The following RBFOX1 variants were observed in gnomAD, a reference collection of about 807,000 sequenced individuals.
RBFOX1 encodes the protein RNA binding fox-1 homolog 1.
RBFOX1 carries 8 observed loss-of-function variants against 57.7 expected under a neutral mutation model. That is an observed-to-expected ratio of 0.14 (90% CI 0.08 to 0.25). The LOEUF is 0.25. Among genes scored for constraint, RBFOX1 ranks in the 10% least tolerant of loss-of-function variants. The pLI is 1.00. For missense variants in RBFOX1, 611 were observed against 548.5 expected (o/e 1.11, Z -1.14); for synonymous variants, 326 against 222.4 (o/e 1.47, Z -4.15).
chr16:6,998,255 A>G (rs76311974), intron 3 of RBFOX1, among the ~76,000 whole-genome samples: 3,382 of 152,288 alleles, frequency 0.022, 129 homozygotes, highest in African/African-American at 0.075. Context: ...AAATATTCCT[A>G]AAGCCTATGG....
chr16:6,075,688 C>G (rs186027941), intron 1 of RBFOX1, among the ~76,000 whole-genome samples: 34 of 152,320 alleles, frequency 2.2e-4, no homozygotes, highest in Admixed American at 2.0e-3. Context: ...GTTGGATAAT[C>G]TGTTGCTATT....
intron 1 of RBFOX1, among the ~76,000 whole-genome samples, chr16:6,247,370 G>A (rs553687153): frequency 6.6e-6 from 1 of 152,298 alleles, no homozygotes; most frequent in South Asian, 2.1e-4. Flanking sequence ...GGTCACATGT[G>A]TGATTTGGAC....
intron 4 of RBFOX1, among the ~76,000 whole-genome samples, chr16:7,074,497 C>G (rs1225573094): frequency 6.6e-6 from 1 of 151,802 alleles, no homozygotes. Flanking sequence ...AATCTGTTAA[C>G]TTGAAGACAG....
At chr16:7,056,558 A>G (rs556785418) in intron 4 of RBFOX1, among the ~76,000 whole-genome samples, 1 of 152,188 alleles carries the variant, frequency 6.6e-6, no homozygotes, top group Non-Finnish European at 1.5e-5. Context: ...CAACAGATGG[A>G]CAAATAAACA....
At chr16:6,762,948 A>T (rs1022028164) in intron 3 of RBFOX1, among the ~76,000 whole-genome samples, 5 of 152,200 alleles carry the variant, frequency 3.3e-5, no homozygotes, top group African/African-American at 1.2e-4. Flanking sequence ...AACAAGTAGG[A>T]GTTCCCCAAA....
intron 2 of RBFOX1, among the ~76,000 whole-genome samples, chr16:5,520,200 C>T (rs540966506): frequency 3.4e-4 from 51 of 152,006 alleles, no homozygotes; most frequent in African/African-American, 1.2e-3. Context: ...GGAGAGAAGA[C>T]AGGAAAGGGA....
intron 4 of RBFOX1, among the ~76,000 whole-genome samples, chr16:5,868,730 G>C (rs1375784600): frequency 1.3e-5 from 2 of 152,168 alleles, no homozygotes; most frequent in Non-Finnish European, 2.9e-5. Context: ...TGTCACCTAT[G>C]TCCCCATGAT....
chr16:5,585,074 T>C (rs2046788098), intron 2 of RBFOX1, among the ~76,000 whole-genome samples: 1 of 152,170 alleles, frequency 6.6e-6, no homozygotes, highest in Non-Finnish European at 1.5e-5. Flanking sequence ...TTTAATACTT[T>C]CACAGTGTTG....
intron 4 of RBFOX1, among the ~76,000 whole-genome samples, chr16:7,179,482 TGA>T (rs1473794604): frequency 1.3e-5 from 2 of 152,172 alleles, no homozygotes; most frequent in African/African-American, 4.8e-5. Context: ...CCAAAATCTG[TGA>T]GAGGATTTGC....
At chr16:6,955,025 G>T (rs1336271259) in intron 3 of RBFOX1, among the ~76,000 whole-genome samples, 6 of 150,400 alleles carry the variant, frequency 4.0e-5, no homozygotes, top group African/African-American at 1.5e-4. Flanking sequence ...GAGCCCGGGA[G>T]TTCAAGACAA....
At chr16:6,450,348 A>C (rs2094564544) in intron 2 of RBFOX1, among the ~76,000 whole-genome samples, 1 of 152,102 alleles carries the variant, frequency 6.6e-6, no homozygotes, top group African/African-American at 2.4e-5. Context: ...AATTGTCACT[A>C]TCCTGCTTGT....
intron 4 of RBFOX1, among the ~76,000 whole-genome samples, chr16:7,517,551 G>GAC (rs35971142): frequency 1.7e-3 from 258 of 150,314 alleles, no homozygotes; most frequent in African/African-American, 5.8e-3. Context: ...CACACACACA[G>GAC]ACACACACAC....
chr16:7,018,441 C>A (rs1229820927), intron 3 of RBFOX1, among the ~76,000 whole-genome samples: 1 of 152,124 alleles, frequency 6.6e-6, no homozygotes, highest in African/African-American at 2.4e-5. Flanking sequence ...TTAATTGCTC[C>A]TGTTTTTGAA....
chr16:7,026,022 C>T (rs1036548335), intron 3 of RBFOX1, among the ~76,000 whole-genome samples: 1 of 152,144 alleles, frequency 6.6e-6, no homozygotes, highest in African/African-American at 2.4e-5. Context: ...AGACCCCAGA[C>T]CAAGAAGGAA....
At chr16:7,486,075 G>C (rs185219220) in intron 4 of RBFOX1, among the ~76,000 whole-genome samples, 2 of 148,670 alleles carry the variant, frequency 1.3e-5, no homozygotes. Flanking sequence ...TGGTGTGTTT[G>C]CAACTTCACT....
At chr16:7,028,936 T>C (rs1339654680) in intron 3 of RBFOX1, among the ~76,000 whole-genome samples, 2 of 149,696 alleles carry the variant, frequency 1.3e-5, no homozygotes, top group East Asian at 2.0e-4. Flanking sequence ...TATGAAATAA[T>C]GAAAGTTTAA....
At chr16:7,609,222 A>C (rs1228624474) in intron 10 of RBFOX1, among the ~76,000 whole-genome samples, 1 of 152,224 alleles carries the variant, frequency 6.6e-6, no homozygotes, top group Non-Finnish European at 1.5e-5. Context: ...GTGAAGAACA[A>C]GAAGCCTTCT....
chr16:6,919,565 C>T (rs894287331), intron 3 of RBFOX1, among the ~76,000 whole-genome samples: 17 of 152,076 alleles, frequency 1.1e-4, no homozygotes, highest in Non-Finnish European at 1.5e-5. Context: ...CATTTCTCCA[C>T]TTCCTATGGC....
intron 4 of RBFOX1, among the ~76,000 whole-genome samples, chr16:7,290,904 G>C (rs77305973): frequency 6.6e-6 from 1 of 152,140 alleles, no homozygotes; most frequent in Non-Finnish European, 1.5e-5. Context: ...CCCCTGTGAA[G>C]AATAAACAGA....
Sources: allele counts gnomAD v4.1 joint callset (sites outside exome capture counted in the v4.1 genomes callset), GRCh38; gene constraint gnomAD v4.1.1; transcripts MANE v1.5; gene names NCBI Gene and HGNC (gene_info 2026-07-23, HGNC 2026-07-21).